Variants in CPSF6 observed in about 807,000 individuals in gnomAD.
The protein encoded by CPSF6 is cleavage and polyadenylation specificity factor subunit 6.
CPSF6 carries 10 observed loss-of-function variants against 56.7 expected under a neutral mutation model. The ratio of observed to expected loss-of-function variants is 0.18; its 90% CI spans 0.11 to 0.30. The LOEUF (loss-of-function observed/expected upper bound fraction) is 0.30. Among genes scored for constraint, CPSF6 ranks in the 10% least tolerant of loss-of-function variants. The probability of loss-of-function intolerance (pLI) is 1.00; values close to 1 mark genes in which losing one functional copy is unlikely to be tolerated. For missense variants in CPSF6, 419 were observed against 722.9 expected (o/e 0.58, Z 4.82); for synonymous variants, 248 against 244.8 (o/e 1.01, Z -0.12).
At position 69,262,495 on chromosome 12, in the gene CPSF6, A is replaced by C. The variant is rs772056517; in HGVS notation, c.1592A>C (p.His531Pro). The change falls in exon 9 of 10, where the codon CAC (histidine) becomes CCC (proline). Residue 531 changes from histidine to proline, a missense_variant. Around this residue, in one of 4 missense-constraint regions of CPSF6, gnomAD observed 81 missense variants for 193.6 expected, o/e 0.42. Transcript: ENST00000435070. ...YRERSRERER[H>P]RDRDRDRDRE... Reference sequence around the variant, plus strand: ...GAGAGAAGCAGAGAACGAGAGAGGCACCGGGATCGTGACCGAGACCGTGAC... The same window carrying C: ...GAGAGAAGCAGAGAACGAGAGAGGCCCCGGGATCGTGACCGAGACCGTGAC... 6.2e-7 allele frequency: 1 copy of C among 1,614,112 alleles called. No individual in the cohort carries two copies. The highest frequency in any genetic ancestry group is 8.5e-7 in the Non-Finnish European group (1 of 1,179,988).
chr12:69,250,590 CAAA>C (rs61337613), intron 1 of CPSF6, among the ~76,000 whole-genome samples: 4 of 48,860 alleles, frequency 8.2e-5, no homozygotes, highest in African/African-American at 2.1e-4. Context: ...CTGGTCTCTA[CAAA>C]AAAAAAAAAA....
In CPSF6 at chr12:69,262,504, G is replaced by A. The variant is rs769324095; in HGVS notation, c.1601G>A (p.Arg534His). The A allele has an allele frequency of 6.2e-7, 1 of 1,613,980 alleles. No individual in the cohort carries two copies. The highest frequency in any genetic ancestry group is 1.1e-5 in the South Asian group (1 of 91,072). ...AGAGAACGAGAGAGGCACCGGGATC[G>A]TGACCGAGACCGTGACCGAGAGCGT... Reference protein sequence around the residue: ...RSRERERHRDRDRDRDRERDR... With the variant: ...RSRERERHRDHDRDRDRERDR... The change falls in exon 9 of 10, where the codon CGT becomes CAT. Residue 534 changes from arginine (R) to histidine (H), a missense_variant. Arg to His is a conservative substitution (Grantham distance 29). Coordinates refer to ENST00000435070, the MANE Select transcript of CPSF6 (RefSeq NM_007007.3).
intron 1 of CPSF6, 140 bp downstream of exon 1, chr12:69,239,846 T>A: frequency 1.5e-6 from 1 of 667,142 alleles, no homozygotes; most frequent in Non-Finnish European, 2.1e-6. Context: ...CGCCGACCCC[T>A]GGCGTGGCGC....
At chr12:69,251,502 G>A (rs922058306) in intron 2 of CPSF6, among the ~76,000 whole-genome samples, 164 bp downstream of exon 2, 1 of 151,960 alleles carries the variant, frequency 6.6e-6, no homozygotes, top group East Asian at 1.9e-4. Flanking sequence ...TTGCAACATC[G>A]TTAATTCGAA....
rs749238267 is a variant in CPSF6 at position 69,257,913 on chromosome 12, T to A, written c.694+8T>A. 3.1e-6 allele frequency: 5 copies of A among 1,590,602 alleles called. No individual in the cohort carries two copies. In the South Asian group the frequency reaches 5.7e-5, roughly 18 times the overall value. On this transcript the variant is annotated splice_region_variant and intron_variant, in intron 5 of 9. Transcript: ENST00000435070. ...CACCCCCACCTTTTCCAGGTAAAAC[T>A]TTTCTTAAATTACCATGGATAAAAC...
In CPSF6 at chr12:69,257,825, G is replaced by T; in HGVS notation, c.614G>T (p.Gly205Val). The T allele has an allele frequency of 1.2e-6, 2 of 1,613,382 alleles. No individual in the cohort carries two copies. Among genetic ancestry groups the T allele is most frequent in the Non-Finnish European group, 8.5e-7 (1 of 1,179,826 alleles). Residue 205 changes from glycine (G) to valine (V), a missense_variant, in exon 5 of 10, where the codon GGC becomes GTC. By Grantham distance (109) the Gly-to-Val change is moderately radical. Coordinates refer to ENST00000435070, the MANE Select transcript of CPSF6 (RefSeq NM_007007.3). The part of the protein sequence containing the change: ...AAFPQGGRGR[G>V]RFPGAVPGGD... ...TTTCCACAAGGTGGTAGAGGACGGG[G>T]CCGTTTTCCAGGGGCTGTTCCTGGT...
At chr12:69,267,577 G>A (rs1024863867) in intron 9 of CPSF6, among the ~76,000 whole-genome samples, 10 of 151,902 alleles carry the variant, frequency 6.6e-5, no homozygotes, top group African/African-American at 2.4e-4. Flanking sequence ...CTTTGTTGAT[G>A]TAGTTGCCTA....
At chr12:69,249,934 A>G (rs1475942539) in intron 1 of CPSF6, among the ~76,000 whole-genome samples, 1 of 152,160 alleles carries the variant, frequency 6.6e-6, no homozygotes, top group Admixed American at 6.6e-5. Flanking sequence ...AAGCTTTACT[A>G]TACTCTTTTT....
At chr12:69,260,910 G>A (rs941726914) in intron 8 of CPSF6, among the ~76,000 whole-genome samples, 5 of 152,142 alleles carry the variant, frequency 3.3e-5, no homozygotes, top group Non-Finnish European at 7.4e-5. Context: ...AGTGTGCTCA[G>A]CCATGCTCGT....
rs1486763062 is a variant in CPSF6 at position 69,271,194 on chromosome 12, C to A, written c.*1686C>A. 2.0e-5 allele frequency: 3 copies of A among 152,118 alleles called. No individual in the cohort carries two copies. The South Asian group carries it at 6.2e-4, about 31-fold the overall frequency. 9.4% of individuals were successfully genotyped at this position (152,118 alleles called of 1,614,324 possible). A position where few individuals can be genotyped will look rare whatever the true frequency, so the allele number is the denominator to read the frequency against. On this transcript the variant is annotated 3_prime_UTR_variant, in exon 10 of 10. Coordinates refer to ENST00000435070, the MANE Select transcript of CPSF6 (RefSeq NM_007007.3). The stretch of plus-strand genomic sequence containing the variant: ...ATCGTTGATGTTTATCAGAACTGTT[C>A]ACTTTCAGAAATGATTTTTTAAAGC...
At chr12:69,244,344 T>G (rs1367719641) in intron 1 of CPSF6, among the ~76,000 whole-genome samples, 1 of 152,044 alleles carries the variant, frequency 6.6e-6, no homozygotes, top group Non-Finnish European at 1.5e-5. Flanking sequence ...CAAGCAGTTC[T>G]CCTGCCTCAG....
chr12:69,266,358 T>C (rs151133006), intron 9 of CPSF6, among the ~76,000 whole-genome samples: 27 of 152,302 alleles, frequency 1.8e-4, no homozygotes, highest in African/African-American at 5.1e-4. Context: ...GCTGACTTAA[T>C]TGAAGTTACA....
Position 69,258,135 on chromosome 12 carries a change from T to G in CPSF6, c.694+230T>G. ...ACAGCATAGAGGAAATACCCATTTT[T>G]GGCCTAAAAGGTCTTTATTTTTCTC... is the stretch of plus-strand genomic sequence containing the variant. On this transcript the variant is annotated intron_variant, in intron 5 of 9. Transcript: ENST00000435070. This position sits in a 1 kb window ranked among gnomAD's most constrained non-coding sequence, Gnocchi z 4.2. The G allele has an allele frequency of 2.6e-6, 4 of 1,530,532 alleles. No homozygotes were observed. The highest frequency in any genetic ancestry group is 3.5e-6 in the Non-Finnish European group (4 of 1,142,028). The allele number at this position is 1,530,532 out of a possible 1,614,324, so 94.8% of individuals were successfully genotyped here.
intron 9 of CPSF6, among the ~76,000 whole-genome samples, chr12:69,265,306 C>T (rs1044411289): frequency 1.3e-5 from 2 of 152,084 alleles, no homozygotes; most frequent in African/African-American, 2.4e-5. Context: ...TAGTTCAGTG[C>T]TTTACGATTG....
chr12:69,258,639 T>C lies in CPSF6; in HGVS notation c.744T>C (p.Gly248=), dbSNP rs1304550943. 1.9e-6 allele frequency: 3 copies of C among 1,613,770 alleles called. No homozygotes were observed. The East Asian group carries it at 6.7e-5, about 36-fold the overall frequency. The stretch of plus-strand genomic sequence containing the variant: ...CCTTAGGTCCTCCAGGCCCACCTGG[T>C]CCACCAGGTCCTCCACCTCCTGGTC... ...RPPLGPPGPP[G]PPGPPPPGQV... The change falls in exon 6 of 10, where the codon GGT becomes GGC. Residue 248 remains glycine, a synonymous_variant. Transcript: ENST00000435070. The surrounding 1 kb of genome is among the most constrained non-coding windows in gnomAD (Gnocchi z 4.2).
At chr12:69,244,840 G>C (rs1156228714) in intron 1 of CPSF6, among the ~76,000 whole-genome samples, 1 of 152,110 alleles carries the variant, frequency 6.6e-6, no homozygotes, top group East Asian at 1.9e-4. Flanking sequence ...TGATGCATGG[G>C]CTGTCATCTC....
At chr12:69,265,039 A>G (rs946973678) in intron 9 of CPSF6, among the ~76,000 whole-genome samples, 1 of 152,144 alleles carries the variant, frequency 6.6e-6, no homozygotes, top group Non-Finnish European at 1.5e-5. Context: ...TTTAACTGGA[A>G]ACGTAATGAT....
In CPSF6 at chr12:69,248,866, G is replaced by A. The variant is rs113255759; in HGVS notation, c.61-2263G>A. 3.7e-3 allele frequency among the ~76,000 whole-genome samples: 567 copies of A among 152,116 alleles called. 3 individuals are homozygous for A. The highest frequency in any genetic ancestry group is 0.013 in the African/African-American group (537 of 41,472). ...TGGATAAGTCATTAATTACATAAAC[G>A]ATTACCTGATGATTACTTGAGGTCC... On this transcript the variant is annotated intron_variant, in intron 1 of 9. Coordinates refer to ENST00000435070, the MANE Select transcript of CPSF6 (RefSeq NM_007007.3).
At chr12:69,255,033 A>G (rs1473468928) in intron 3 of CPSF6, 1 of 152,222 alleles carries the variant, frequency 6.6e-6, no homozygotes, top group Admixed American at 6.5e-5. Context: ...GGAACCTTGT[A>G]CCTGGTTAGC....
Sources: allele counts gnomAD v4.1 joint callset (sites outside exome capture counted in the v4.1 genomes callset), GRCh38; gene constraint gnomAD v4.1.1; regional missense constraint gnomAD v4.1.1; non-coding constraint Gnocchi (gnomAD v3.1); transcripts MANE v1.5; gene names NCBI Gene and HGNC (gene_info 2026-07-23, HGNC 2026-07-21).